DMXL2: variants seen among roughly 807,000 people sequenced by gnomAD.
DMXL2 encodes the protein dmX-like protein 2.
In DMXL2, 103 loss-of-function variants were observed where a neutral mutation model predicts 331.1. The observed-to-expected ratio is 0.31, with a 90% CI of 0.27 to 0.37. The LOEUF (loss-of-function observed/expected upper bound fraction) is 0.37. Ranked by LOEUF, DMXL2 falls within the 10% of genes least tolerant of loss-of-function variation. The probability of loss-of-function intolerance (pLI) is 1.00; values close to 1 mark genes in which losing one functional copy is unlikely to be tolerated. For missense variants in DMXL2, 3,171 were observed against 3,642.9 expected (o/e 0.87, Z 3.33); for synonymous variants, 1,281 against 1,252.1 (o/e 1.02, Z -0.49).
Position 51,610,584 on chromosome 15 carries a change from T to C in DMXL2, c.87+11875A>G, listed in dbSNP as rs751386691. 1.2e-4 allele frequency among the ~76,000 whole-genome samples: 18 copies of C among 152,146 alleles called. No homozygotes were observed. The South Asian group carries it at 2.5e-3, about 21-fold the overall frequency. ...GAGATCGAGACCATCCTGGCTAACA[T>C]GGTGAAACCCCGTCTCCAATAAAAA... On this transcript the variant is annotated intron_variant, in intron 1 of 43. Coordinates refer to ENST00000560891, the MANE Select transcript of DMXL2 (RefSeq NM_001378457.1).
intron 1 of DMXL2, among the ~76,000 whole-genome samples, chr15:51,606,849 C>A (rs77849386): frequency 0.012 from 1,755 of 152,152 alleles, 27 homozygotes; most frequent in East Asian, 0.026. Flanking sequence ...GAATGTTGCA[C>A]AAAAGGATAA....
chr15:51,603,934 C>T (rs2141338835), intron 1 of DMXL2, among the ~76,000 whole-genome samples: 1 of 150,484 alleles, frequency 6.6e-6, no homozygotes, highest in South Asian at 2.1e-4. Context: ...GATACCAAAA[C>T]CAGACAAAAA....
At chr15:51,554,780 ACTTGGTCTTTTGGTAAATG>A (rs1213763806) in intron 6 of DMXL2, among the ~76,000 whole-genome samples, 2 of 152,176 alleles carry the variant, frequency 1.3e-5, no homozygotes, top group Non-Finnish European at 2.9e-5. Flanking sequence ...CATCACGAAG[ACTTGGTCTTTTGGTAAATG>A]AAATGGAAAA....
intron 1 of DMXL2, among the ~76,000 whole-genome samples, chr15:51,579,779 T>C (rs1271190185): frequency 6.6e-6 from 1 of 152,156 alleles, no homozygotes; most frequent in African/African-American, 2.4e-5. Flanking sequence ...ACAGTATCAA[T>C]AAATGTAGAA....
At chr15:51,478,124 T>C in intron 26 of DMXL2, 147 bp downstream of exon 26, 1 of 568,256 alleles carries the variant, frequency 1.8e-6, no homozygotes, top group Middle Eastern at 4.8e-4. Flanking sequence ...ATAATTATTT[T>C]ATTTCTGATT....
At chr15:51,487,851 T>C in intron 22 of DMXL2, 103 bp downstream of exon 22, 1 of 975,926 alleles carries the variant, frequency 1.0e-6, no homozygotes, top group Non-Finnish European at 1.4e-6. Flanking sequence ...GTAGTTATTC[T>C]GTGTCCTAAC....
chr15:51,613,879 C>T (rs768930228), intron 1 of DMXL2, among the ~76,000 whole-genome samples: 6 of 152,162 alleles, frequency 3.9e-5, no homozygotes, highest in Non-Finnish European at 8.8e-5. Flanking sequence ...GCTGAGATTA[C>T]CACCAAGTAG....
At chr15:51,582,681 G>C (rs1306129590) in intron 1 of DMXL2, among the ~76,000 whole-genome samples, 11 of 115,652 alleles carry the variant, frequency 9.5e-5, no homozygotes, top group African/African-American at 3.2e-4. Context: ...GGACAAATAG[G>C]TTTCCTTAAT....
At chr15:51,478,736 C>T (rs186871705) in intron 25 of DMXL2, among the ~76,000 whole-genome samples, 2 of 152,016 alleles carry the variant, frequency 1.3e-5, no homozygotes, top group African/African-American at 4.8e-5. Context: ...GCTTGCCTCA[C>T]GAAATTCGCC....
chr15:51,576,154 T>C lies in DMXL2; in HGVS notation c.115A>G (p.Ile39Val). ...TAYGSGCDIVILANDFECVQI... is the reference protein window; with the variant it reads ...TAYGSGCDIVVLANDFECVQI... ...ACACATTCAAAGTCATTTGCCAAAATAACAATATCACAGCCTGATCCATAT... is the reference window on the plus strand; with the variant it reads ...ACACATTCAAAGTCATTTGCCAAAACAACAATATCACAGCCTGATCCATAT... The change falls in exon 2 of 44, where the codon ATT (isoleucine) becomes GTT (valine). Residue 39 changes from isoleucine (I) to valine (V), a missense_variant. Physicochemically the swap from Ile to Val is conservative, Grantham distance 29. Around this residue, in one of 7 missense-constraint regions of DMXL2, gnomAD observed 1,674 missense variants for 1,780.2 expected, o/e 0.94. Transcript: ENST00000560891. The C allele has an allele frequency of 1.0e-6, 1 of 977,190 alleles. No individual in the cohort carries two copies. The highest frequency in any genetic ancestry group is 1.4e-6 in the Non-Finnish European group (1 of 711,834). 60.5% of individuals were successfully genotyped at this position (977,190 alleles called of 1,614,324 possible).
intron 6 of DMXL2, among the ~76,000 whole-genome samples, chr15:51,549,206 C>G (rs541205307): frequency 2.6e-5 from 4 of 152,058 alleles, no homozygotes; most frequent in African/African-American, 9.7e-5. Context: ...TGAGAACATA[C>G]GATGTTTGGT....
At position 51,494,346 on chromosome 15, in the gene DMXL2, G is replaced by T. The variant is rs914022128; in HGVS notation, c.4783+678C>A. ...GTTCTAGGTTCTATAATACTAAGAC[G>T]TATATTATGGGACTCTTTCCAAGAT... On this transcript the variant is annotated intron_variant, in intron 19 of 43. Transcript: ENST00000560891. 2.0e-5 allele frequency among the ~76,000 whole-genome samples: 3 copies of T among 152,102 alleles called. No individual in the cohort carries two copies. In the South Asian group the frequency reaches 6.2e-4, roughly 32 times the overall value.
chr15:51,498,478 A>C, intron 18 of DMXL2, 74 bp downstream of exon 18: 1 of 1,438,238 alleles, frequency 7.0e-7, no homozygotes, highest in Non-Finnish European at 9.4e-7. Context: ...CAATTCAGTA[A>C]ATGAGTCAGT....
intron 1 of DMXL2, among the ~76,000 whole-genome samples, chr15:51,620,710 A>G (rs1423047416): frequency 2.0e-5 from 3 of 152,328 alleles, no homozygotes; most frequent in African/African-American, 7.2e-5. Flanking sequence ...TAAGGATATG[A>G]AAAGGAGTAA....
intron 1 of DMXL2, among the ~76,000 whole-genome samples, chr15:51,585,550 C>A (rs182396311): frequency 3.3e-5 from 5 of 152,030 alleles, no homozygotes; most frequent in Non-Finnish European, 5.9e-5. Flanking sequence ...ATGATATATG[C>A]GTATGTGTCC....
chr15:51,520,686 G>C (rs6493500), intron 13 of DMXL2, among the ~76,000 whole-genome samples: 67,392 of 151,920 alleles, frequency 0.44, 15,520 homozygotes, highest in Non-Finnish European at 0.5. Flanking sequence ...GTGAAACCCT[G>C]TATCTACTAA....
chr15:51,526,818 T>C (rs537330714), intron 13 of DMXL2, among the ~76,000 whole-genome samples: 1 of 152,224 alleles, frequency 6.6e-6, no homozygotes, highest in East Asian at 1.9e-4. Context: ...AGAAATAATT[T>C]ATGAGTTTGA....
intron 1 of DMXL2, among the ~76,000 whole-genome samples, chr15:51,621,995 G>A (rs7174397): frequency 6.6e-6 from 1 of 152,052 alleles, no homozygotes; most frequent in Admixed American, 6.5e-5. Context: ...AGCGGGCAGG[G>A]GGAGCCAAGG....
At chr15:51,508,307 C>A (rs889317148) in intron 15 of DMXL2, among the ~76,000 whole-genome samples, 1 of 152,038 alleles carries the variant, frequency 6.6e-6, no homozygotes, top group Non-Finnish European at 1.5e-5. Flanking sequence ...GCACATCTAT[C>A]GCAGAACTTA....
Sources: allele counts gnomAD v4.1 joint callset (sites outside exome capture counted in the v4.1 genomes callset), GRCh38; gene constraint gnomAD v4.1.1; regional missense constraint gnomAD v4.1.1; transcripts MANE v1.5; gene names NCBI Gene and HGNC (gene_info 2026-07-23, HGNC 2026-07-21).